TYW1B: variants seen among roughly 807,000 people sequenced by gnomAD.
TYW1B encodes tRNA-yW synthesizing protein 1 homolog B.
Under a neutral mutation model 86.9 loss-of-function variants are expected in TYW1B, and 73 were observed. The ratio of observed to expected loss-of-function variants is 0.84; its 90% CI spans 0.70 to 1.02. The LOEUF is 1.02. TYW1B is among the 50% of genes least tolerant of loss of function. The pLI is 0.00. For synonymous variants in TYW1B, 248 were observed against 292.8 expected, an observed-to-expected ratio of 0.85 and a Z score of 1.56; for missense variants, 637 against 827.4, an observed-to-expected ratio of 0.77 and a Z score of 2.82.
chr7:72,724,537 G>C (rs1786964142), intron 9 of TYW1B, among the ~76,000 whole-genome samples: 1 of 152,038 alleles, frequency 6.6e-6, no homozygotes, highest in Non-Finnish European at 1.5e-5. Context: ...ATGCCTACGT[G>C]CTGACCCGTC....
Position 72,597,594 on chromosome 7 carries a change from C to T in TYW1B, c.1785+19078G>A, listed in dbSNP as rs797040631. Among the ~76,000 whole-genome samples, 318 of 151,862 alleles carry T rather than the reference C, an allele frequency of 2.1e-3. 7 individuals carry two copies. The South Asian group carries it at 0.056, about 27-fold the overall frequency. On this transcript the variant is annotated intron_variant, in intron 13 of 13. Transcript: ENST00000620995. ...GTACCACCCTGAACGCACCCGATCT[C>T]GGCTGAACTAGACACACCTCTGGGC...
rs536926421 is a variant in TYW1B at position 72,721,532 on chromosome 7, G to C, written c.1192+7290C>G. On this transcript the variant is annotated intron_variant, in intron 9 of 13. Transcript: ENST00000620995. ...TCTAATGGAAAGGATTCCTGGAGAAGAAAGAAAGAGTCCACATGAGACACA... is the reference window on the plus strand; with the variant it reads ...TCTAATGGAAAGGATTCCTGGAGAACAAAGAAAGAGTCCACATGAGACACA... 2.7e-3 allele frequency among the ~76,000 whole-genome samples: 410 copies of C among 152,162 alleles called. 1 individual carries two copies. The highest frequency in any genetic ancestry group is 8.9e-3 in the African/African-American group (370 of 41,508).
chr7:72,716,597 T>C (rs1410854641), intron 9 of TYW1B, among the ~76,000 whole-genome samples: 13 of 152,084 alleles, frequency 8.5e-5, no homozygotes, highest in Non-Finnish European at 1.5e-5. Flanking sequence ...GGCAAAGAGA[T>C]GCAGAGCCAG....
intron 2 of TYW1B, among the ~76,000 whole-genome samples, chr7:72,826,396 G>A (rs2129573017): frequency 6.6e-6 from 1 of 152,114 alleles, no homozygotes; most frequent in South Asian, 2.1e-4. Flanking sequence ...TCAAATATTA[G>A]CCCCTTGGTA....
rs1170734157 is a variant in TYW1B, at chr7:72,811,307, A to C, written c.238-642T>G. Reference sequence around the variant, plus strand: ...AAAAAGAAAGAAAGAAAAAAGAAAAAAGAAAAGAAAAAATGCAGAGAGATG... The same window carrying C: ...AAAAAGAAAGAAAGAAAAAAGAAAACAGAAAAGAAAAAATGCAGAGAGATG... On this transcript the variant is annotated intron_variant, in intron 3 of 13. Transcript: ENST00000620995. 7.3e-4 allele frequency among the ~76,000 whole-genome samples: 74 copies of C among 101,156 alleles called. 1 individual carries two copies. The highest frequency in any genetic ancestry group is 5.2e-3 in the Middle Eastern group (1 of 192). The allele number at this position is 101,156 out of a possible 152,430, so 66.4% of individuals were successfully genotyped here.
At chr7:72,773,352 A>T (rs1214894918) in intron 7 of TYW1B, among the ~76,000 whole-genome samples, 1 of 152,218 alleles carries the variant, frequency 6.6e-6, no homozygotes, top group African/African-American at 2.4e-5. Flanking sequence ...GACAAAATAT[A>T]TGAAACAACA....
chr7:72,801,316 G>A (rs782425823), intron 6 of TYW1B, among the ~76,000 whole-genome samples: 5 of 152,152 alleles, frequency 3.3e-5, no homozygotes, highest in African/African-American at 7.2e-5. Flanking sequence ...GTGACAGAAT[G>A]AGACTCCATT....
intron 3 of TYW1B, among the ~76,000 whole-genome samples, chr7:72,812,789 G>A (rs1394168740): frequency 1.3e-5 from 2 of 149,634 alleles, no homozygotes; most frequent in Admixed American, 1.3e-4. Flanking sequence ...TCCACCTCCC[G>A]AGTTTAAGCA....
At chr7:72,595,485 G>A (rs1442102033) in intron 13 of TYW1B, among the ~76,000 whole-genome samples, 2 of 152,088 alleles carry the variant, frequency 1.3e-5, no homozygotes, top group Non-Finnish European at 2.9e-5. Context: ...GGAGTTTGAG[G>A]CAAGTCTGGT....
At chr7:72,706,726 A>C (rs1554453723) in intron 10 of TYW1B, among the ~76,000 whole-genome samples, 1 of 152,214 alleles carries the variant, frequency 6.6e-6, no homozygotes, top group African/African-American at 2.4e-5. Flanking sequence ...GGAGTGTGGG[A>C]AACTGAAAAC....
chr7:72,629,673 A>C (rs1396842476), intron 11 of TYW1B, among the ~76,000 whole-genome samples: 1 of 152,094 alleles, frequency 6.6e-6, no homozygotes, highest in African/African-American at 2.4e-5. Flanking sequence ...CAGCTTCCCA[A>C]GTAGCTGGGA....
intron 11 of TYW1B, among the ~76,000 whole-genome samples, chr7:72,674,685 G>A (rs189611125): frequency 2.0e-5 from 3 of 151,836 alleles, no homozygotes; most frequent in East Asian, 1.9e-4. Flanking sequence ...TTTACCCCAC[G>A]GAATTGTTTC....
chr7:72,708,485 A>C (rs781817425), intron 10 of TYW1B, among the ~76,000 whole-genome samples: 6 of 152,138 alleles, frequency 3.9e-5, no homozygotes, highest in Non-Finnish European at 7.3e-5. Flanking sequence ...TCAAAGATGA[A>C]ATGGCTGCAA....
At chr7:72,577,860 T>C (rs1554429047) in intron 13 of TYW1B, among the ~76,000 whole-genome samples, 2 of 152,176 alleles carry the variant, frequency 1.3e-5, no homozygotes, top group Non-Finnish European at 2.9e-5. Context: ...CACATGTCCT[T>C]CATCCTCTGC....
chr7:72,780,646 A>G (rs1788035397), intron 6 of TYW1B, among the ~76,000 whole-genome samples: 1 of 152,114 alleles, frequency 6.6e-6, no homozygotes, highest in Non-Finnish European at 1.5e-5. Context: ...TCACTAGAGA[A>G]AGTATCTATT....
At chr7:72,773,748 C>A (rs1585973437) in intron 7 of TYW1B, among the ~76,000 whole-genome samples, 1 of 152,092 alleles carries the variant, frequency 6.6e-6, no homozygotes, top group East Asian at 1.9e-4. Context: ...AATTACTGAA[C>A]TTGAAGACAC....
intron 6 of TYW1B, among the ~76,000 whole-genome samples, chr7:72,791,239 G>A (rs879996723): frequency 1.3e-5 from 2 of 151,940 alleles, no homozygotes; most frequent in South Asian, 4.1e-4. Context: ...GGCCATAATA[G>A]GATTCCGAAG....
chr7:72,713,341 T>C (rs1786714856), intron 10 of TYW1B, among the ~76,000 whole-genome samples: 1 of 149,114 alleles, frequency 6.7e-6, no homozygotes, highest in East Asian at 2.0e-4. Context: ...TGACAGCTTC[T>C]CTGGTAAGTT....
intron 7 of TYW1B, among the ~76,000 whole-genome samples, chr7:72,744,982 G>A (rs11977018): frequency 0.1 from 15,929 of 152,200 alleles, 1,463 homozygotes; most frequent in East Asian, 0.33. Context: ...CCTGCTCTGA[G>A]TAAAGAAGGA....
Sources: allele counts gnomAD v4.1 joint callset (sites outside exome capture counted in the v4.1 genomes callset), GRCh38; gene constraint gnomAD v4.1.1; transcripts MANE v1.5; gene names NCBI Gene and HGNC (gene_info 2026-07-23, HGNC 2026-07-21).